CCBE1: variants seen among roughly 807,000 people sequenced by gnomAD.
CCBE1 encodes the protein collagen and calcium binding EGF domains 1.
A neutral mutation model predicts 50.0 loss-of-function variants in CCBE1; 37 were observed. The observed-to-expected ratio is 0.74, with a 90% CI of 0.57 to 0.97. The LOEUF (loss-of-function observed/expected upper bound fraction) is 0.97, where lower values mean the gene tolerates loss of function less well. CCBE1 is among the 50% of genes least tolerant of loss of function. The pLI, the probability that CCBE1 is intolerant of heterozygous loss-of-function variation, is 0.00. For missense variants in CCBE1, 538 were observed against 523.8 expected, an observed-to-expected ratio of 1.03 and a Z score of -0.26; for synonymous variants, 234 against 203.7, an observed-to-expected ratio of 1.15 and a Z score of -1.27.
intron 2 of CCBE1, among the ~76,000 whole-genome samples, chr18:59,680,522 C>T (rs1190075988): frequency 1.3e-5 from 2 of 151,738 alleles, no homozygotes; most frequent in African/African-American, 4.8e-5. Flanking sequence ...CATGGTGAAA[C>T]CCTGTCTCTA....
chr18:59,455,918 C>T (rs1433340281), intron 5 of CCBE1, among the ~76,000 whole-genome samples: 1 of 152,236 alleles, frequency 6.6e-6, no homozygotes, highest in Non-Finnish European at 1.5e-5. Context: ...ACATAATAAC[C>T]ACGACTATCT....
intron 2 of CCBE1, among the ~76,000 whole-genome samples, chr18:59,493,545 CT>C (rs56316631): frequency 0.41 from 61,357 of 149,124 alleles, 13,156 homozygotes; most frequent in East Asian, 0.83. Flanking sequence ...CTCATAAAAA[CT>C]TTTTTTTTTT....
At chr18:59,461,844 T>G (rs1329599002) in intron 5 of CCBE1, among the ~76,000 whole-genome samples, 1 of 150,666 alleles carries the variant, frequency 6.6e-6, no homozygotes, top group Non-Finnish European at 1.5e-5. Flanking sequence ...GCGATTCTCC[T>G]GCCTTAGCTT....
chr18:59,590,295 T>C (rs555827354), intron 2 of CCBE1, among the ~76,000 whole-genome samples: 35 of 152,182 alleles, frequency 2.3e-4, no homozygotes, highest in Admixed American at 2.2e-3. Flanking sequence ...ATATAAAATA[T>C]AAAGATAAAA....
chr18:59,484,151 A>G (rs1211837272), intron 2 of CCBE1, among the ~76,000 whole-genome samples: 1 of 152,332 alleles, frequency 6.6e-6, no homozygotes, highest in South Asian at 2.1e-4. Flanking sequence ...CCTAACAACC[A>G]GAAGGAAAAC....
intron 2 of CCBE1, among the ~76,000 whole-genome samples, chr18:59,605,085 G>A (rs1198636092): frequency 9.9e-5 from 15 of 152,220 alleles, no homozygotes; most frequent in Admixed American, 9.8e-4. Context: ...CAAAGGCTGG[G>A]AAAAGTGCCC....
chr18:59,517,450 G>A (rs1298991136), intron 2 of CCBE1, among the ~76,000 whole-genome samples: 1 of 152,174 alleles, frequency 6.6e-6, no homozygotes, highest in Non-Finnish European at 1.5e-5. Flanking sequence ...TTTTGGCTCT[G>A]TTTCAGATAA....
At chr18:59,630,734 C>T (rs2053839360) in intron 2 of CCBE1, among the ~76,000 whole-genome samples, 1 of 152,286 alleles carries the variant, frequency 6.6e-6, no homozygotes, top group Admixed American at 6.5e-5. Context: ...TCCCAATGAA[C>T]AAGGCTGCAT....
intron 2 of CCBE1, among the ~76,000 whole-genome samples, chr18:59,620,954 T>TA (rs2053703075): frequency 6.6e-6 from 1 of 152,066 alleles, no homozygotes; most frequent in African/African-American, 2.4e-5. Context: ...CAATTTGCCA[T>TA]AAAGGAAACC....
intron 2 of CCBE1, among the ~76,000 whole-genome samples, chr18:59,529,156 C>G (rs935113996): frequency 6.7e-6 from 1 of 148,602 alleles, no homozygotes; most frequent in Non-Finnish European, 1.5e-5. Flanking sequence ...GTCCGTAAAC[C>G]CCTGGCTGGA....
At chr18:59,509,241 C>G (rs1914024008) in intron 2 of CCBE1, among the ~76,000 whole-genome samples, 1 of 152,092 alleles carries the variant, frequency 6.6e-6, no homozygotes, top group Non-Finnish European at 1.5e-5. Flanking sequence ...GTAGTTAACT[C>G]CTGGGCATTG....
chr18:59,617,437 C>T (rs183409912), intron 2 of CCBE1, among the ~76,000 whole-genome samples: 244 of 152,304 alleles, frequency 1.6e-3, no homozygotes, highest in Non-Finnish European at 2.7e-3. Flanking sequence ...TTAAAACTTG[C>T]CCAAAGGTCA....
chr18:59,519,463 T>C (rs1357380982), intron 2 of CCBE1, among the ~76,000 whole-genome samples: 1 of 152,188 alleles, frequency 6.6e-6, no homozygotes, highest in Non-Finnish European at 1.5e-5. Context: ...AGCTAGAAAA[T>C]TGTATCCTGC....
In CCBE1 at chr18:59,448,058, T is replaced by C. The variant is rs140459879; in HGVS notation, c.700A>G (p.Thr234Ala). 3.3e-4 allele frequency: 529 copies of C among 1,614,028 alleles called. 2 individuals are homozygous for C. The highest frequency in any genetic ancestry group is 4.0e-4 in the Non-Finnish European group (477 of 1,180,028). The change falls in exon 7 of 11, where the codon ACT becomes GCT. Residue 234 changes from threonine to alanine, a missense_variant. Physicochemically the swap from Thr to Ala is moderately conservative, Grantham distance 58. Coordinates refer to ENST00000439986, the MANE Select transcript of CCBE1 (RefSeq NM_133459.4). ...TTTGAGGCCAGCACCTTGTCACCAG[T>C]GATATACTTGCCCAGGTCAGCTGCA... ...NNAADLGKYI[T>A]GDKVLASNTY...
At chr18:59,454,528 G>A (rs1911087739) in intron 6 of CCBE1, among the ~76,000 whole-genome samples, 1 of 152,316 alleles carries the variant, frequency 6.6e-6, no homozygotes, top group South Asian at 2.1e-4. Context: ...TTACAGGCGT[G>A]AGTCACCGCA....
chr18:59,586,947 G>A lies in CCBE1; in HGVS notation c.213-106709C>T, dbSNP rs560392023. On this transcript the variant is annotated intron_variant, in intron 2 of 10. Coordinates refer to ENST00000439986, the MANE Select transcript of CCBE1 (RefSeq NM_133459.4). The stretch of plus-strand genomic sequence containing the variant: ...ATAGCAAACTTTCCATGAGTCTGGA[G>A]ATCAGAAAAAACAGAGGGCAGATAT... Among the ~76,000 whole-genome samples the A allele has an allele frequency of 3.3e-5, 5 of 152,108 alleles. No individual in the cohort carries two copies. The South Asian group carries it at 6.2e-4, about 19-fold the overall frequency.
At chr18:59,583,387 G>A (rs2053115688) in intron 2 of CCBE1, among the ~76,000 whole-genome samples, 1 of 152,168 alleles carries the variant, frequency 6.6e-6, no homozygotes, top group Non-Finnish European at 1.5e-5. Flanking sequence ...CCATTTCAAT[G>A]CCCACGATTT....
upstream of CCBE1, chr18:59,697,428 T>C (rs2054827003): frequency 2.0e-6 from 3 of 1,481,598 alleles, no homozygotes; most frequent in South Asian, 1.3e-5. Flanking sequence ...GCCTTCCCTC[T>C]TCCCGGCAGG....
intron 2 of CCBE1, among the ~76,000 whole-genome samples, chr18:59,522,993 CAAA>C (rs57217059): frequency 2.2e-5 from 2 of 89,208 alleles, no homozygotes. Flanking sequence ...GACTCTGTTT[CAAA>C]AAAAAAAAAA....
Sources: allele counts gnomAD v4.1 joint callset (sites outside exome capture counted in the v4.1 genomes callset), GRCh38; gene constraint gnomAD v4.1.1; transcripts MANE v1.5; gene names NCBI Gene and HGNC (gene_info 2026-07-23, HGNC 2026-07-21).